DKK2: variants seen among roughly 807,000 people sequenced by gnomAD.
The protein encoded by DKK2 is dickkopf Wnt signaling pathway inhibitor 2, also known as dickkopf-related protein 2.
A neutral mutation model predicts 28.1 loss-of-function variants in DKK2; 11 were observed. That is an observed-to-expected ratio of 0.39 (90% CI 0.25 to 0.65). The LOEUF is 0.65. Among genes scored for constraint, DKK2 ranks in the 30% least tolerant of loss-of-function variants. The pLI is 0.47. For synonymous variants in DKK2, 135 were observed against 126.5 expected, an observed-to-expected ratio of 1.07 and a Z score of -0.45; for missense variants, 326 against 335.5, an observed-to-expected ratio of 0.97 and a Z score of 0.22.
intron 1 of DKK2, among the ~76,000 whole-genome samples, chr4:106,990,955 G>A (rs944081541): frequency 6.6e-6 from 1 of 152,000 alleles, no homozygotes; most frequent in Admixed American, 6.6e-5. Context: ...TCAATAGCTC[G>A]AATATTTTGA....
At chr4:107,033,113 A>T (rs1429431927) in intron 1 of DKK2, among the ~76,000 whole-genome samples, 1 of 152,232 alleles carries the variant, frequency 6.6e-6, no homozygotes, top group Non-Finnish European at 1.5e-5. Context: ...TACACAAAAT[A>T]AAATTTTCAC....
At chr4:106,932,434 T>C (rs970821748) in intron 1 of DKK2, among the ~76,000 whole-genome samples, 1 of 152,176 alleles carries the variant, frequency 6.6e-6, no homozygotes. Context: ...AATGCTCTAC[T>C]TGGAACATAG....
chr4:106,931,558 ATAACT>A (rs1424249387), intron 1 of DKK2, among the ~76,000 whole-genome samples: 1 of 152,184 alleles, frequency 6.6e-6, no homozygotes, highest in Non-Finnish European at 1.5e-5. Context: ...TATGAATAAA[ATAACT>A]TGACTATTAA....
intron 1 of DKK2, among the ~76,000 whole-genome samples, chr4:106,983,286 GAAGA>G (rs1723053981): frequency 7.4e-6 from 1 of 135,046 alleles, no homozygotes; most frequent in African/African-American, 2.8e-5. Context: ...GAGAAAGAGA[GAAGA>G]AAGAAAAGAA....
At position 106,988,218 on chromosome 4, in the gene DKK2, G is replaced by A. The variant is rs944399940; in HGVS notation, c.222+47152C>T. ...AACTGAGGTGTAAAGAGGTGAAGGG[G>A]CAGTGGTCCACAGTCACGTGGTTTT... On this transcript the variant is annotated intron_variant, in intron 1 of 3. Transcript: ENST00000285311. Among the ~76,000 whole-genome samples the A allele has an allele frequency of 5.9e-5, 9 of 152,242 alleles. 1 individual carries two copies. Among genetic ancestry groups the A allele is most frequent in the Admixed American group, 5.9e-4 (9 of 15,292 alleles).
chr4:106,939,926 A>T (rs897938153), intron 1 of DKK2, among the ~76,000 whole-genome samples: 1 of 152,352 alleles, frequency 6.6e-6, no homozygotes, highest in East Asian at 1.9e-4. Flanking sequence ...CTGAAACTGG[A>T]TCCCTTCCTT....
intron 1 of DKK2, among the ~76,000 whole-genome samples, chr4:106,971,681 C>T (rs1722870167): frequency 6.6e-6 from 1 of 152,066 alleles, no homozygotes. Context: ...TCTTTGCATT[C>T]TTCTTGTTTG....
At chr4:106,984,931 C>T (rs573156830) in intron 1 of DKK2, among the ~76,000 whole-genome samples, 1 of 152,164 alleles carries the variant, frequency 6.6e-6, no homozygotes, top group African/African-American at 2.4e-5. Flanking sequence ...TGGGCTGGGC[C>T]GGGCACGGTG....
intron 1 of DKK2, among the ~76,000 whole-genome samples, chr4:106,952,314 T>A (rs1163709071): frequency 7.9e-5 from 12 of 152,154 alleles, no homozygotes; most frequent in African/African-American, 2.4e-4. Context: ...TGTGATTATA[T>A]ATTAAACTCC....
intron 1 of DKK2, among the ~76,000 whole-genome samples, chr4:106,988,610 T>A (rs1186825831): frequency 6.6e-6 from 1 of 152,132 alleles, no homozygotes; most frequent in Non-Finnish European, 1.5e-5. Flanking sequence ...TTTAAAAAAA[T>A]ATTTTTATTT....
chr4:106,959,565 T>C (rs1354158059), intron 1 of DKK2, among the ~76,000 whole-genome samples: 1 of 152,090 alleles, frequency 6.6e-6, no homozygotes, highest in East Asian at 1.9e-4. Flanking sequence ...TTTGTAAACT[T>C]CCCATAAGTA....
chr4:106,947,489 G>A (rs1724795402), intron 1 of DKK2, among the ~76,000 whole-genome samples: 1 of 152,014 alleles, frequency 6.6e-6, no homozygotes, highest in African/African-American at 2.4e-5. Flanking sequence ...TGACAGAGCT[G>A]TCAGTTTTTC....
At chr4:106,926,084 T>C in intron 1 of DKK2, 135 bp from the exon 2 acceptor site, 3 of 961,422 alleles carry the variant, frequency 3.1e-6, no homozygotes, top group East Asian at 2.8e-5. Context: ...ATCATCATAA[T>C]GTTCTGAACC....
chr4:107,010,374 C>A (rs1447869442), intron 1 of DKK2, among the ~76,000 whole-genome samples: 1 of 151,552 alleles, frequency 6.6e-6, no homozygotes, highest in African/African-American at 2.4e-5. Flanking sequence ...TTGAAATAAT[C>A]TACTAAGTGT....
intron 1 of DKK2, among the ~76,000 whole-genome samples, chr4:107,012,347 T>C (rs572371435): frequency 2.6e-4 from 40 of 151,464 alleles, no homozygotes; most frequent in African/African-American, 8.4e-4. Context: ...ATAAATTTCA[T>C]CAGTATTTAT....
chr4:106,944,286 T>G (rs2110344725), intron 1 of DKK2, among the ~76,000 whole-genome samples: 1 of 152,182 alleles, frequency 6.6e-6, no homozygotes, highest in South Asian at 2.1e-4. Flanking sequence ...CTAAACAAAT[T>G]GAGTTAAACA....
chr4:106,925,754 T>C, intron 2 of DKK2, 45 bp downstream of exon 2: 2 of 1,568,050 alleles, frequency 1.3e-6, no homozygotes, highest in Non-Finnish European at 1.7e-6. Context: ...AGGCTTATGA[T>C]GATGAAAAGA....
At chr4:107,032,352 G>A (rs933622576) in intron 1 of DKK2, among the ~76,000 whole-genome samples, 1 of 151,826 alleles carries the variant, frequency 6.6e-6, no homozygotes, top group African/African-American at 2.4e-5. Context: ...AAAATTCAAA[G>A]CCACATTTTC....
chr4:107,032,763 C>T (rs1723894137), intron 1 of DKK2, among the ~76,000 whole-genome samples: 2 of 152,086 alleles, frequency 1.3e-5, no homozygotes, highest in African/African-American at 4.8e-5. Context: ...TAGGATGATA[C>T]TACATGATTA....
Sources: allele counts gnomAD v4.1 joint callset (sites outside exome capture counted in the v4.1 genomes callset), GRCh38; gene constraint gnomAD v4.1.1; transcripts MANE v1.5; gene names NCBI Gene and HGNC (gene_info 2026-07-23, HGNC 2026-07-21).